CCDC127: variants seen among roughly 807,000 people sequenced by gnomAD.
CCDC127 encodes the protein coiled-coil domain containing 127, also known as coiled-coil domain-containing protein 127.
CCDC127 carries 2 observed loss-of-function variants against 4.1 expected under a neutral mutation model. The ratio of observed to expected loss-of-function variants is 0.49; its 90% confidence interval spans 0.20 to 1.53. The LOEUF is 1.53. Ranked by LOEUF, CCDC127 falls within the 40% of genes most tolerant of loss-of-function variation. The pLI is 0.23. For missense variants in CCDC127, 271 were observed against 322.9 expected (o/e 0.84, Z 1.23); for synonymous variants, 98 against 120.4 (o/e 0.81, Z 1.22).
chr5:197,057 C>T lies in CCDC127; in HGVS notation c.*8240G>A, dbSNP rs1283553309. 1 of 151,234 alleles carries T rather than the reference C, an allele frequency of 6.6e-6. No homozygotes were observed. Among genetic ancestry groups the T allele is most frequent in the Non-Finnish European group, 1.5e-5 (1 of 67,860 alleles). The allele number at this position is 151,234 out of a possible 1,614,324, so 9.4% of individuals were successfully genotyped here. The stretch of plus-strand genomic sequence containing the variant: ...AACGTGTGAGCAAAAGAATCTATGT[C>T]GTAATTAAGTTCAAGGGAAGGTACT... On this transcript the variant is annotated 3_prime_UTR_variant, in exon 3 of 3. Transcript: ENST00000296824.
At chr5:216,660 C>T (rs1734393907) in intron 2 of CCDC127, 69 bp downstream of exon 2, 6 of 1,605,814 alleles carry the variant, frequency 3.7e-6, no homozygotes, top group Non-Finnish European at 4.3e-6. Flanking sequence ...CCACACCATG[C>T]TGCCTCCCTC....
At chr5:214,536 A>T (rs1258918529) in intron 2 of CCDC127, 1 of 152,198 alleles carries the variant, frequency 6.6e-6, no homozygotes, top group Non-Finnish European at 1.5e-5. Context: ...GGAGAGAGAG[A>T]TGGGGAAAGG....
chr5:209,965 T>C (rs1392281738), intron 2 of CCDC127, among the ~76,000 whole-genome samples: 1 of 152,186 alleles, frequency 6.6e-6, no homozygotes, highest in Non-Finnish European at 1.5e-5. Flanking sequence ...ATAAACAGCA[T>C]CTACGGAAAA....
At position 199,776 on chromosome 5, in the gene CCDC127, C is replaced by G. The variant is rs1246820829; in HGVS notation, c.*5521G>C. ...CTCCCAGCAGGGATGGGCTCGGTCT[C>G]AGTGTCCCTGCTGGAATATTAAACA... On this transcript the variant is annotated 3_prime_UTR_variant, in exon 3 of 3. Transcript: ENST00000296824. The G allele has an allele frequency of 6.6e-6, 1 of 152,296 alleles. No homozygotes were observed. The highest frequency in any genetic ancestry group is 1.5e-5 in the Non-Finnish European group (1 of 68,100). 9.4% of individuals were successfully genotyped at this position (152,296 alleles called of 1,614,324 possible).
chr5:208,525 G>A (rs557839602), intron 2 of CCDC127, among the ~76,000 whole-genome samples: 10 of 152,376 alleles, frequency 6.6e-5, no homozygotes, highest in Admixed American at 3.3e-4. Flanking sequence ...CATGGGCAAA[G>A]GCTGGATGGA....
chr5:212,428 T>G (rs377750869), intron 2 of CCDC127, among the ~76,000 whole-genome samples: 35 of 26,090 alleles, frequency 1.3e-3, no homozygotes, highest in Admixed American at 2.8e-3. Flanking sequence ...TGGGGCAGAC[T>G]GGACAGCAAT....
At chr5:207,476 G>A (rs938618417) in intron 2 of CCDC127, among the ~76,000 whole-genome samples, 1 of 152,178 alleles carries the variant, frequency 6.6e-6, no homozygotes, top group African/African-American at 2.4e-5. Flanking sequence ...AGTCAAGAAC[G>A]GCTTCCTAAA....
In CCDC127 at chr5:196,887, GC is replaced by G. The variant is rs1465047270; in HGVS notation, c.*8409del. ...ACAAAGTATAGAGAAACAACAGTGG[GC>G]CCAGGGGACCGGCGCTCAGCATACC... On this transcript the variant is annotated 3_prime_UTR_variant, in exon 3 of 3. Transcript: ENST00000296824. 1 of 150,330 alleles carries G rather than the reference GC, an allele frequency of 6.7e-6. No individual in the cohort carries two copies. The highest frequency in any genetic ancestry group is 2.4e-5 in the African/African-American group (1 of 40,820). 9.3% of individuals were successfully genotyped at this position (150,330 alleles called of 1,614,324 possible).
chr5:211,304 A>T, intron 2 of CCDC127, among the ~76,000 whole-genome samples: 1 of 91,366 alleles, frequency 1.1e-5, no homozygotes, highest in Non-Finnish European at 2.2e-5. Flanking sequence ...TCGACATCGC[A>T]CACTGCAGCC....
chr5:205,217 A>C lies in CCDC127; in HGVS notation c.*80T>G. 3 of 1,323,530 alleles carry C rather than the reference A, an allele frequency of 2.3e-6. No individual in the cohort carries two copies. Among genetic ancestry groups the C allele is most frequent in the Non-Finnish European group, 3.1e-6 (3 of 953,606 alleles). The allele number at this position is 1,323,530 out of a possible 1,614,324, so 82.0% of individuals were successfully genotyped here. ...GTGGCCATGACACGGGCAGCACGGG[A>C]ACGGAAGACGCCGGAGACCCAGAAG... On this transcript the variant is annotated 3_prime_UTR_variant, in exon 3 of 3. Transcript: ENST00000296824.
intron 2 of CCDC127, chr5:215,163 A>G (rs1178550006): frequency 6.6e-6 from 1 of 152,222 alleles, no homozygotes; most frequent in Non-Finnish European, 1.5e-5. Context: ...GGGCTGGTTA[A>G]CGCTCCTATG....
At position 208,503 on chromosome 5, in the gene CCDC127, C is replaced by T. The variant is rs907839843; in HGVS notation, c.122-2545G>A. Among the ~76,000 whole-genome samples the T allele has an allele frequency of 5.3e-5, 8 of 152,260 alleles. No individual in the cohort carries two copies. In the East Asian group the frequency reaches 1.3e-3, roughly 26 times the overall value. ...AATAACACAGAAAAAACTACGGCCC[C>T]ACCTCCACCCACATGGGCAAAGGCT... On this transcript the variant is annotated intron_variant, in intron 2 of 2. Transcript: ENST00000296824.
rs757079811 is a variant in CCDC127, at chr5:200,418, G to C, written c.*4879C>G. The C allele has an allele frequency of 1.3e-5, 2 of 152,300 alleles. No individual in the cohort carries two copies. Among genetic ancestry groups the C allele is most frequent in the Admixed American group, 1.3e-4 (2 of 15,294 alleles). The allele number at this position is 152,300 out of a possible 1,614,324, so 9.4% of individuals were successfully genotyped here. A position where few individuals can be genotyped will look rare whatever the true frequency, so the allele number is the denominator to read the frequency against. ...CAGCGCTTCCCTAACTCGGCCGCCC[G>C]CTGGAGCAGGCCAGGCAGGGGGCAG... On this transcript the variant is annotated 3_prime_UTR_variant, in exon 3 of 3. Coordinates refer to ENST00000296824, the MANE Select transcript of CCDC127 (RefSeq NM_145265.3).
Position 218,150 on chromosome 5 carries a change from C to G in CCDC127, c.-68G>C. 1.6e-6 allele frequency: 2 copies of G among 1,245,648 alleles called. No homozygotes were observed. The highest frequency in any genetic ancestry group is 2.0e-6 in the Non-Finnish European group (2 of 993,640). The allele number at this position is 1,245,648 out of a possible 1,614,324, so 77.2% of individuals were successfully genotyped here. ...CTTAACGCCACCGTCCGCGGGTCCGCTTTGCGCAGGCGCGGCGCCCCCACT... is the reference window on the plus strand; with the variant it reads ...CTTAACGCCACCGTCCGCGGGTCCGGTTTGCGCAGGCGCGGCGCCCCCACT... On this transcript the variant is annotated 5_prime_UTR_variant, in exon 1 of 3. Coordinates refer to ENST00000296824, the MANE Select transcript of CCDC127 (RefSeq NM_145265.3).
rs72720492 is a variant in CCDC127, at chr5:201,313, T to A, written c.*3984A>T. ...TGAAAGTAACTAGAAAGCTGTTTTCTCCCTTCTGCTTAAAGAGATGATCTT... is the reference window on the plus strand; with the variant it reads ...TGAAAGTAACTAGAAAGCTGTTTTCACCCTTCTGCTTAAAGAGATGATCTT... On this transcript the variant is annotated 3_prime_UTR_variant, in exon 3 of 3. Coordinates refer to ENST00000296824, the MANE Select transcript of CCDC127 (RefSeq NM_145265.3). The A allele has an allele frequency of 0.093, 14,162 of 152,308 alleles. 946 individuals are homozygous for A. Among genetic ancestry groups the A allele is most frequent in the Non-Finnish European group, 0.13 (8,506 of 68,038 alleles). The allele number at this position is 152,308 out of a possible 1,614,324, so 9.4% of individuals were successfully genotyped here.
chr5:215,435 G>A lies in CCDC127; in HGVS notation c.121+1294C>T, dbSNP rs544703500. On this transcript the variant is annotated intron_variant, in intron 2 of 2. Coordinates refer to ENST00000296824, the MANE Select transcript of CCDC127 (RefSeq NM_145265.3). ...CAAATGGAAAATGAGTCACTTCAGG[G>A]CCTCTCCCAGCCTCAAAGCCAATTA... The A allele has an allele frequency of 3.9e-5, 6 of 152,258 alleles. No individual in the cohort carries two copies. The East Asian group carries it at 1.2e-3, about 29-fold the overall frequency. 9.4% of individuals were successfully genotyped at this position (152,258 alleles called of 1,614,324 possible). A position where few individuals can be genotyped will look rare whatever the true frequency, so the allele number is the denominator to read the frequency against.
chr5:205,961 G>T lies in CCDC127; in HGVS notation c.122-3C>A. 6.3e-7 allele frequency: 1 copy of T among 1,589,858 alleles called. No individual in the cohort carries two copies. Among genetic ancestry groups the T allele is most frequent in the South Asian group, 1.1e-5 (1 of 87,342 alleles). ...GGACTCCCTAGACCAAATCCAACCTGACATGAATGAAGAAAAATACACATA... is the reference window on the plus strand; with the variant it reads ...GGACTCCCTAGACCAAATCCAACCTTACATGAATGAAGAAAAATACACATA... On this transcript the variant is annotated splice_polypyrimidine_tract_variant and splice_region_variant and intron_variant, in intron 2 of 2. Transcript: ENST00000296824.
intron 2 of CCDC127, among the ~76,000 whole-genome samples, chr5:212,360 T>TGA (rs1413056017): frequency 8.3e-5 from 3 of 36,346 alleles, no homozygotes; most frequent in Admixed American, 2.5e-4. Context: ...GTGAGCACGC[T>TGA]GATGCTCGAC....
At chr5:217,902 A>C (rs1277602260) in intron 1 of CCDC127, among the ~76,000 whole-genome samples, 191 bp downstream of exon 1, 3 of 152,246 alleles carry the variant, frequency 2.0e-5, no homozygotes, top group African/African-American at 7.2e-5. Flanking sequence ...TAATCAAGGG[A>C]TGTATAATAA....
Sources: gnomAD v4.1 joint callset for allele counts (sites outside exome capture counted in the v4.1 genomes callset) on GRCh38, gnomAD v4.1.1 for gene constraint, MANE v1.5 for transcripts, NCBI Gene and HGNC (gene_info 2026-07-23, HGNC 2026-07-21) for gene names.